ADAMTS2: variants seen among roughly 807,000 people sequenced by gnomAD.
ADAMTS2 encodes ADAM metallopeptidase with thrombospondin type 1 motif 2.
Under a neutral mutation model 123.0 loss-of-function variants are expected in ADAMTS2, and 50 were observed. The ratio of observed to expected loss-of-function variants is 0.41; its 90% confidence interval spans 0.32 to 0.51. The LOEUF (loss-of-function observed/expected upper bound fraction) is 0.51, where lower values mean the gene tolerates loss of function less well. Among genes scored for constraint, ADAMTS2 ranks in the 20% least tolerant of loss-of-function variants. The pLI, the probability that ADAMTS2 is intolerant of heterozygous loss-of-function variation, is 0.35. For synonymous variants in ADAMTS2, 678 were observed against 695.4 expected (o/e 0.98, Z 0.39); for missense variants, 1,494 against 1,705.2 (o/e 0.88, Z 2.18).
intron 5 of ADAMTS2, among the ~76,000 whole-genome samples, chr5:179,167,584 C>T (rs1050442921): frequency 5.3e-4 from 81 of 151,990 alleles, no homozygotes; most frequent in Non-Finnish European, 9.9e-4. Flanking sequence ...TGGAACCGCG[C>T]CCGCCCCGCC....
chr5:179,143,425 T>C (rs1249115656), intron 10 of ADAMTS2, among the ~76,000 whole-genome samples: 2 of 142,670 alleles, frequency 1.4e-5, no homozygotes, highest in Admixed American at 6.9e-5. Flanking sequence ...AGAGACTCTG[T>C]CTCGAAAAAA....
chr5:179,277,302 C>T (rs1364747918), intron 2 of ADAMTS2, among the ~76,000 whole-genome samples: 1 of 147,474 alleles, frequency 6.8e-6, no homozygotes, highest in Admixed American at 6.8e-5. Context: ...TGGCACCTGC[C>T]CCGAGACCAA....
chr5:179,250,779 T>C (rs941350406), intron 3 of ADAMTS2, among the ~76,000 whole-genome samples: 1 of 152,238 alleles, frequency 6.6e-6, no homozygotes, highest in African/African-American at 2.4e-5. Flanking sequence ...CATCTGCTCC[T>C]AACTTTCGAA....
intron 5 of ADAMTS2, among the ~76,000 whole-genome samples, chr5:179,169,601 G>A (rs573176992): frequency 1.0e-3 from 159 of 152,282 alleles, no homozygotes; most frequent in African/African-American, 3.8e-3. Flanking sequence ...CTGGGGTGAG[G>A]CATGGGGTGT....
In ADAMTS2 at chr5:179,308,138, G is replaced by A. The variant is rs191771298; in HGVS notation, c.535-35074C>T. Among the ~76,000 whole-genome samples, 6 of 152,152 alleles carry A rather than the reference G, an allele frequency of 3.9e-5. No individual in the cohort carries two copies. Among genetic ancestry groups the A allele is most frequent in the African/African-American group, 9.7e-5 (4 of 41,438 alleles). The stretch of plus-strand genomic sequence containing the variant: ...GGCCAAGTTTGCCGCCTTCTGGAGC[G>A]ACAACAAGGAGAAAACAGGGGTTTA... On this transcript the variant is annotated intron_variant, in intron 2 of 21. Coordinates refer to ENST00000251582, the MANE Select transcript of ADAMTS2 (RefSeq NM_014244.5). The surrounding 1 kb of genome is among the most constrained non-coding windows in gnomAD (Gnocchi z 6.6).
intron 4 of ADAMTS2, 42 bp downstream of exon 4, chr5:179,207,471 A>ACCCGG: frequency 5.3e-5 from 54 of 1,026,458 alleles, no homozygotes; most frequent in Non-Finnish European, 6.8e-5. Flanking sequence ...CCCCTGGTTG[A>ACCCGG]CCCTCCCCGC....
rs1405412993 is a variant in ADAMTS2 at position 179,158,633 on chromosome 5, G to A, written c.1132+90C>T. ...CTTCCCTGCCCTGACACTCTTCCCTGGGCTGGGCCAAGGCTCCCGGGGCCC... is the reference window on the plus strand; with the variant it reads ...CTTCCCTGCCCTGACACTCTTCCCTAGGCTGGGCCAAGGCTCCCGGGGCCC... On this transcript the variant is annotated intron_variant, in intron 6 of 21. Transcript: ENST00000251582. The surrounding 1 kb of genome is among the most constrained non-coding windows in gnomAD (Gnocchi z 5.0). 7 of 1,575,750 alleles carry A rather than the reference G, an allele frequency of 4.4e-6. No homozygotes were observed. The highest frequency in any genetic ancestry group is 3.3e-5 in the Admixed American group (2 of 59,758).
At chr5:179,289,176 C>T (rs923931865) in intron 2 of ADAMTS2, among the ~76,000 whole-genome samples, 7 of 152,148 alleles carry the variant, frequency 4.6e-5, no homozygotes, top group African/African-American at 1.7e-4. Flanking sequence ...CCCACCGCCC[C>T]GTGTGAAATC....
In ADAMTS2 at chr5:179,155,277, C is replaced by T. The variant is rs1328026928; in HGVS notation, c.1133-358G>A. ...TCACGCCACCTGCCTCTGCCCCCTG[C>T]CTGCCTCACTGAGTGGCCCCTGAGC... On this transcript the variant is annotated intron_variant, in intron 6 of 21. Transcript: ENST00000251582. This position sits in a 1 kb window ranked among gnomAD's most constrained non-coding sequence, Gnocchi z 5.1. Among the ~76,000 whole-genome samples the T allele has an allele frequency of 2.0e-5, 3 of 152,218 alleles. No homozygotes were observed. The highest frequency in any genetic ancestry group is 4.4e-5 in the Non-Finnish European group (3 of 68,032).
At chr5:179,290,938 C>G (rs1756167717) in intron 2 of ADAMTS2, among the ~76,000 whole-genome samples, 1 of 152,210 alleles carries the variant, frequency 6.6e-6, no homozygotes, top group South Asian at 2.1e-4. Context: ...CCTGAGCCAC[C>G]CTGTGGGCCC....
At chr5:179,226,990 A>G (rs1414829115) in intron 3 of ADAMTS2, among the ~76,000 whole-genome samples, 1 of 152,200 alleles carries the variant, frequency 6.6e-6, no homozygotes, top group Admixed American at 6.5e-5. Context: ...ATAATCGCAA[A>G]TGCAGGGTAG....
intron 2 of ADAMTS2, among the ~76,000 whole-genome samples, chr5:179,287,698 G>GA (rs1756060930): frequency 1.3e-5 from 2 of 152,352 alleles, no homozygotes; most frequent in East Asian, 3.9e-4. Context: ...CCAGTCTCGA[G>GA]GACCCAGGAG....
intron 3 of ADAMTS2, among the ~76,000 whole-genome samples, chr5:179,235,117 C>A (rs945011221): frequency 3.6e-4 from 55 of 152,226 alleles, no homozygotes; most frequent in African/African-American, 1.1e-3. Context: ...GCAAAGAGAG[C>A]AAGTTACTCT....
intron 2 of ADAMTS2, among the ~76,000 whole-genome samples, chr5:179,333,653 G>A (rs1757537217): frequency 7.1e-6 from 1 of 141,658 alleles, no homozygotes; most frequent in Non-Finnish European, 1.5e-5. Flanking sequence ...TGGCTGGAGT[G>A]CAGTGGCGCA....
chr5:179,208,556 C>T (rs1197041020), intron 3 of ADAMTS2, among the ~76,000 whole-genome samples: 3 of 152,158 alleles, frequency 2.0e-5, no homozygotes, highest in South Asian at 2.1e-4. Context: ...CCCCGGATAT[C>T]GTCCCTGCCT....
At chr5:179,159,090 T>G (rs1010811020) in intron 5 of ADAMTS2, among the ~76,000 whole-genome samples, 4 of 152,204 alleles carry the variant, frequency 2.6e-5, no homozygotes, top group African/African-American at 9.7e-5. Context: ...CTCACCTGCG[T>G]GAGTTTCCAC....
At chr5:179,209,370 A>C (rs1379596635) in intron 3 of ADAMTS2, among the ~76,000 whole-genome samples, 4 of 152,192 alleles carry the variant, frequency 2.6e-5, no homozygotes, top group African/African-American at 9.6e-5. Context: ...CAAGACAGAC[A>C]GTGGAGGTGC....
rs1356895640 is a variant in ADAMTS2 at position 179,189,253 on chromosome 5, G to A, written c.892-8098C>T. ...AGCAATAAAGCTTTTTAATCACCTG[G>A]GTGCAGGTGGGCTGAGTCCAAAAAG... On this transcript the variant is annotated intron_variant, in intron 4 of 21. Transcript: ENST00000251582. The surrounding 1 kb of genome is among the most constrained non-coding windows in gnomAD (Gnocchi z 4.2). 6.6e-6 allele frequency among the ~76,000 whole-genome samples: 1 copy of A among 152,174 alleles called. No homozygotes were observed. The highest frequency in any genetic ancestry group is 1.9e-4 in the East Asian group (1 of 5,192).
intron 5 of ADAMTS2, among the ~76,000 whole-genome samples, chr5:179,163,973 G>C (rs1763649243): frequency 6.6e-6 from 1 of 152,136 alleles, no homozygotes; most frequent in Admixed American, 6.5e-5. Context: ...GGGGCCAGGG[G>C]AGCCCTGGGA....
Sources: gnomAD v4.1 joint callset for allele counts (sites outside exome capture counted in the v4.1 genomes callset) on GRCh38, gnomAD v4.1.1 for gene constraint, Gnocchi (gnomAD v3.1) non-coding constraint, MANE v1.5 for transcripts, NCBI Gene and HGNC (gene_info 2026-07-23, HGNC 2026-07-21) for gene names.